Variants in PCDHA5 observed in about 807,000 individuals in gnomAD.
PCDHA5 encodes protocadherin alpha-5.
In PCDHA5, 43 loss-of-function variants were observed where a neutral mutation model predicts 61.6. That is an observed-to-expected ratio of 0.70 (90% CI 0.55 to 0.90). PCDHA5 has a LOEUF of 0.90. Among genes scored for constraint, PCDHA5 ranks in the 40% least tolerant of loss-of-function variants. The pLI, the probability that PCDHA5 is intolerant of heterozygous loss-of-function variation, is 0.00. For missense variants in PCDHA5, 1,298 were observed against 1,222.7 expected (o/e 1.06, Z -0.92); for synonymous variants, 627 against 543.9 (o/e 1.15, Z -2.13).
intron 1 of PCDHA5, chr5:140,875,462 C>T (rs1333440854): frequency 6.3e-7 from 1 of 1,598,882 alleles, no homozygotes; most frequent in Non-Finnish European, 8.5e-7. Flanking sequence ...CAGAGGCCCT[C>T]ATTTTCTGCA....
intron 1 of PCDHA5, chr5:140,835,083 GACA>G: frequency 1.1e-5 from 14 of 1,222,014 alleles, no homozygotes; most frequent in Non-Finnish European, 1.6e-5. Context: ...CACGGTACTG[GACA>G]ACAATGACAA....
At position 140,929,035 on chromosome 5, in the gene PCDHA5, G is replaced by T. The variant is rs6877058; in HGVS notation, c.2353-49914G>T. 2.5e-3 allele frequency: 4,027 copies of T among 1,614,128 alleles called. 64 individuals are homozygous for T. In the African/African-American group the frequency reaches 0.039, roughly 15 times the overall value. On this transcript the variant is annotated intron_variant, in intron 1 of 3. Coordinates refer to ENST00000529859, the MANE Select transcript of PCDHA5 (RefSeq NM_018908.3). The stretch of plus-strand genomic sequence containing the variant: ...GTTGCACCAGAGCCCAGGCTGTTGC[G>T]CTCAGAGCTGCTGTCGCTCTACAGA...
intron 1 of PCDHA5, chr5:140,868,232 C>T (rs1176693366): frequency 6.6e-6 from 1 of 152,032 alleles, no homozygotes; most frequent in Non-Finnish European, 1.5e-5. Flanking sequence ...AAAAACTCAT[C>T]TAGATCAATA....
intron 1 of PCDHA5, among the ~76,000 whole-genome samples, chr5:140,919,265 T>A (rs534045587): frequency 4.3e-4 from 66 of 152,394 alleles, no homozygotes. Flanking sequence ...GATATTAGTG[T>A]AGTCACTCCA....
chr5:140,947,402 T>C (rs550043631), intron 1 of PCDHA5, among the ~76,000 whole-genome samples: 1 of 151,868 alleles, frequency 6.6e-6, no homozygotes, highest in East Asian at 1.9e-4. Context: ...AAGTAGACTG[T>C]CTTGATATTG....
chr5:140,968,868 A>G, intron 1 of PCDHA5: 6 of 1,614,140 alleles, frequency 3.7e-6, no homozygotes, highest in Non-Finnish European at 5.1e-6. Flanking sequence ...CCTCGGACAT[A>G]CTCTGAAATT....
At chr5:140,915,266 C>T (rs1554196835) in intron 1 of PCDHA5, among the ~76,000 whole-genome samples, 1 of 151,940 alleles carries the variant, frequency 6.6e-6, no homozygotes, top group Non-Finnish European at 1.5e-5. Context: ...TTATTTTTGA[C>T]CAGTTCATCA....
intron 2 of PCDHA5, 141 bp downstream of exon 2, chr5:140,979,148 C>G: frequency 6.9e-7 from 1 of 1,441,158 alleles, no homozygotes; most frequent in South Asian, 1.5e-5. Context: ...TTATTTTGTC[C>G]CCATGTTTAT....
At position 140,924,761 on chromosome 5, in the gene PCDHA5, G is replaced by T. The variant is rs979984304; in HGVS notation, c.2353-54188G>T. On this transcript the variant is annotated intron_variant, in intron 1 of 3. Coordinates refer to ENST00000529859, the MANE Select transcript of PCDHA5 (RefSeq NM_018908.3). Reference sequence around the variant, plus strand: ...AATACAAAAATTAACCGAGCATGGTGGTGCGCGCTTGTAGTCCTAGCTACT... The same window carrying T: ...AATACAAAAATTAACCGAGCATGGTTGTGCGCGCTTGTAGTCCTAGCTACT... Among the ~76,000 whole-genome samples the T allele has an allele frequency of 5.3e-5, 8 of 151,864 alleles. No individual in the cohort carries two copies. The East Asian group carries it at 1.5e-3, about 29-fold the overall frequency.
intron 1 of PCDHA5, among the ~76,000 whole-genome samples, chr5:140,939,358 A>C (rs1291026920): frequency 1.3e-5 from 2 of 152,172 alleles, no homozygotes; most frequent in Admixed American, 1.3e-4. Flanking sequence ...TTATGATTGC[A>C]AAGGAGGAGG....
chr5:140,989,685 A>G (rs1393246206), intron 3 of PCDHA5, among the ~76,000 whole-genome samples: 2 of 152,186 alleles, frequency 1.3e-5, no homozygotes, highest in Non-Finnish European at 2.9e-5. Context: ...TTTCAAAGGA[A>G]CGTGAAAATT....
chr5:140,849,867 TC>T, intron 1 of PCDHA5: 1 of 1,598,534 alleles, frequency 6.3e-7, no homozygotes, highest in Non-Finnish European at 8.6e-7. Flanking sequence ...GTTCGCGCAG[TC>T]CGAGTACACG....
chr5:140,906,878 C>T (rs557095374), intron 1 of PCDHA5, among the ~76,000 whole-genome samples: 1 of 152,332 alleles, frequency 6.6e-6, no homozygotes, highest in East Asian at 1.9e-4. Context: ...AACACTGTAA[C>T]TTCCTTCTTA....
chr5:140,846,985 C>T (rs138755205), intron 1 of PCDHA5, among the ~76,000 whole-genome samples: 9 of 149,188 alleles, frequency 6.0e-5, no homozygotes, highest in African/African-American at 1.5e-4. Context: ...AAGTAAGTTC[C>T]CCCCGGGAGA....
Position 140,823,821 on chromosome 5 carries a change from G to A in PCDHA5, c.2046G>A (p.Ser682=), listed in dbSNP as rs1386534118. The change falls in exon 1 of 4, where the codon TCG becomes TCA. Residue 682 remains serine, a synonymous_variant. Transcript: ENST00000529859. ...CGCCGAAGGCCTCATCGCGGGCGTC[G>A]GCGGGCGCTGTGGGTCCCGAGGCTG... ...GQAPKASSRA[S]AGAVGPEAAL... 6 of 1,613,682 alleles carry A rather than the reference G, an allele frequency of 3.7e-6. No homozygotes were observed. In the African/African-American group the frequency reaches 4.0e-5, roughly 11 times the overall value.
chr5:140,876,034 A>G, intron 1 of PCDHA5: 1 of 1,613,792 alleles, frequency 6.2e-7, no homozygotes, highest in Admixed American at 1.7e-5. Flanking sequence ...AAAAAAAGAT[A>G]AAAGTATATT....
In PCDHA5 at chr5:140,967,658, A is replaced by C. The variant is rs1554229743; in HGVS notation, c.2353-11291A>C. ...TGGTGAGCTCAGGTACTCCTTGAGC[A>C]GCTACACGTCGGACCGGGAGAGGCA... On this transcript the variant is annotated intron_variant, in intron 1 of 3. Coordinates refer to ENST00000529859, the MANE Select transcript of PCDHA5 (RefSeq NM_018908.3). 3 of 1,614,058 alleles carry C rather than the reference A, an allele frequency of 1.9e-6. No individual in the cohort carries two copies. The highest frequency in any genetic ancestry group is 1.7e-5 in the Admixed American group (1 of 60,008).
chr5:140,941,647 C>T (rs1435033243), intron 1 of PCDHA5, among the ~76,000 whole-genome samples: 2 of 152,002 alleles, frequency 1.3e-5, no homozygotes, highest in South Asian at 2.1e-4. Flanking sequence ...CTTCCTACAA[C>T]TTATGTCCAA....
chr5:140,970,227 A>T (rs186622858), intron 1 of PCDHA5, among the ~76,000 whole-genome samples: 190 of 152,300 alleles, frequency 1.2e-3, no homozygotes, highest in African/African-American at 4.2e-3. Flanking sequence ...GCAGCCTGTA[A>T]TCTTCTGATT....
Sources: gnomAD v4.1 joint callset for allele counts (sites outside exome capture counted in the v4.1 genomes callset) on GRCh38, gnomAD v4.1.1 for gene constraint, MANE v1.5 for transcripts, NCBI Gene and HGNC (gene_info 2026-07-23, HGNC 2026-07-21) for gene names.